Variants in IGDCC4 observed in about 807,000 individuals in gnomAD.
IGDCC4 encodes likely ortholog of mouse neighbor of Punc E11.
A neutral mutation model predicts 116.6 loss-of-function variants in IGDCC4; 72 were observed. That is an observed-to-expected ratio of 0.62 (90% CI 0.51 to 0.75). IGDCC4 has a LOEUF of 0.75. Among genes scored for constraint, IGDCC4 ranks in the 30% least tolerant of loss-of-function variants. The pLI is 0.00. For synonymous variants in IGDCC4, 709 were observed against 719.9 expected, an observed-to-expected ratio of 0.98 and a Z score of 0.24; for missense variants, 1,501 against 1,662.4, an observed-to-expected ratio of 0.90 and a Z score of 1.69.
chr15:65,384,799 C>T lies in IGDCC4; in HGVS notation c.3342+155G>A. 1 of 990,666 alleles carries T rather than the reference C, an allele frequency of 1.0e-6. No homozygotes were observed. Among genetic ancestry groups the T allele is most frequent in the South Asian group, 1.8e-5 (1 of 55,784 alleles). 61.4% of individuals were successfully genotyped at this position (990,666 alleles called of 1,614,324 possible). On this transcript the variant is annotated intron_variant, in intron 19 of 19. Transcript: ENST00000352385. This position sits in a 1 kb window ranked among gnomAD's most constrained non-coding sequence, Gnocchi z 4.9. The stretch of plus-strand genomic sequence containing the variant: ...TTCCTGCAAACTGGCCTGCCCTCCA[C>T]CTACTCAACCTTTGGAGGCTCCAGG...
Position 65,386,564 on chromosome 15 carries a change from G to A in IGDCC4, c.2938C>T (p.Arg980Cys), listed in dbSNP as rs553584611. ...LLACMCAGLR[R>C]SPHRESLPGL... ...TCCCCTGCTCACCTGTGGGGGCTGCGGCGCAGGCCAGCACACATGCAGGCC... is the reference window on the plus strand; with the variant it reads ...TCCCCTGCTCACCTGTGGGGGCTGCAGCGCAGGCCAGCACACATGCAGGCC... Residue 980 changes from arginine to cysteine, a missense_variant, in exon 17 of 20, where the codon CGC becomes TGC. Arg to Cys is a radical substitution (Grantham distance 180). Transcript: ENST00000352385. 508 of 1,604,334 alleles carry A rather than the reference G, an allele frequency of 3.2e-4. 4 individuals are homozygous for A. In the South Asian group the frequency reaches 4.6e-3, roughly 15 times the overall value.
At chr15:65,414,292 G>T (rs2063123878) in intron 1 of IGDCC4, among the ~76,000 whole-genome samples, 1 of 152,234 alleles carries the variant, frequency 6.6e-6, no homozygotes, top group African/African-American at 2.4e-5. Context: ...GATGGTTTCT[G>T]CTGGACACCT....
intron 5 of IGDCC4, 140 bp from the exon 6 acceptor site, chr15:65,397,129 T>C (rs2140209908): frequency 9.3e-7 from 1 of 1,079,266 alleles, no homozygotes; most frequent in Non-Finnish European, 1.3e-6. Context: ...CTCCTCTTGC[T>C]GGGACTCTCT....
In IGDCC4 at chr15:65,397,123, T is replaced by C. The variant is rs1414364876; in HGVS notation, c.842-134A>G. 4 of 1,141,592 alleles carry C rather than the reference T, an allele frequency of 3.5e-6. No individual in the cohort carries two copies. In the East Asian group the frequency reaches 7.8e-5, roughly 22 times the overall value. The allele number at this position is 1,141,592 out of a possible 1,614,324, so 70.7% of individuals were successfully genotyped here. A position where few individuals can be genotyped will look rare whatever the true frequency, so the allele number is the denominator to read the frequency against. On this transcript the variant is annotated intron_variant, in intron 5 of 19. Transcript: ENST00000352385. ...CCCTGGTCCGAATCTCATTTCCTCC[T>C]CTTGCTGGGACTCTCTGAGCCCGGC...
chr15:65,419,969 CAG>C (rs1198512802), intron 1 of IGDCC4, among the ~76,000 whole-genome samples: 1 of 152,108 alleles, frequency 6.6e-6, no homozygotes, highest in Non-Finnish European at 1.5e-5. Context: ...TTTTTTGAGA[CAG>C]AGTCTCACTT....
chr15:65,395,350 G>A (rs1037606323), intron 7 of IGDCC4, 92 bp from the exon 8 acceptor site: 23 of 1,311,004 alleles, frequency 1.8e-5, no homozygotes, highest in Non-Finnish European at 2.2e-5. Context: ...TATTGTCCTG[G>A]TGTCTATTTA....
At chr15:65,398,558 A>G (rs1392956142) in intron 5 of IGDCC4, among the ~76,000 whole-genome samples, 1 of 145,908 alleles carries the variant, frequency 6.9e-6, no homozygotes. Context: ...AAAAAAAAAG[A>G]AAGAAAAGAA....
Position 65,385,852 on chromosome 15 carries a change from G to A in IGDCC4, c.3159C>T (p.Gly1053=). 1 of 1,612,532 alleles carries A rather than the reference G, an allele frequency of 6.2e-7. No individual in the cohort carries two copies. The highest frequency in any genetic ancestry group is 1.3e-5 in the African/African-American group (1 of 74,998). ...HSLMGGGVSE[G]RSHSKRKISW... The stretch of plus-strand genomic sequence containing the variant: ...TTACCTTTCTTTTGGAGTGACTCCG[G>A]CCTTCAGAAACACCGCCACCCATAA... The change falls in exon 18 of 20, where the codon GGC becomes GGT. Residue 1053 remains glycine (G), a synonymous_variant. Coordinates refer to ENST00000352385, the MANE Select transcript of IGDCC4 (RefSeq NM_020962.3).
chr15:65,395,348 T>TAGTTTTCTAC (rs1214771396), intron 7 of IGDCC4, 90 bp from the exon 8 acceptor site: 6 of 1,317,312 alleles, frequency 4.6e-6, no homozygotes, highest in Admixed American at 2.1e-5. Context: ...CATATTGTCC[T>TAGTTTTCTAC]GGTGTCTATT....
intron 1 of IGDCC4, among the ~76,000 whole-genome samples, chr15:65,418,852 CCA>C (rs2063166382): frequency 6.6e-6 from 1 of 151,938 alleles, no homozygotes; most frequent in South Asian, 2.1e-4. Flanking sequence ...AGGGTGGATT[CCA>C]GAGCCCAGAT....
chr15:65,400,523 C>A (rs1224148924), intron 5 of IGDCC4, among the ~76,000 whole-genome samples: 3 of 152,210 alleles, frequency 2.0e-5, no homozygotes, highest in African/African-American at 4.8e-5. Flanking sequence ...GAGAACCTAG[C>A]TCAGCACCTG....
At position 65,391,988 on chromosome 15, in the gene IGDCC4, A is replaced by G. The variant is rs2062870808; in HGVS notation, c.2123-7T>C. 1 of 1,605,924 alleles carries G rather than the reference A, an allele frequency of 6.2e-7. No individual in the cohort carries two copies. Among genetic ancestry groups the G allele is most frequent in the Non-Finnish European group, 8.5e-7 (1 of 1,175,994 alleles). Reference sequence around the variant, plus strand: ...TCGTACAGCCGGCCAGGGACTGGGGAAGGTTACAGGGCTTAATGGCTAGGG... The same window carrying G: ...TCGTACAGCCGGCCAGGGACTGGGGGAGGTTACAGGGCTTAATGGCTAGGG... On this transcript the variant is annotated splice_polypyrimidine_tract_variant and splice_region_variant and intron_variant, in intron 11 of 19. Transcript: ENST00000352385.
chr15:65,413,041 T>TGC (rs2063112851), intron 1 of IGDCC4, among the ~76,000 whole-genome samples: 1 of 151,736 alleles, frequency 6.6e-6, no homozygotes, highest in African/African-American at 2.4e-5. Context: ...TGTGTGTGTG[T>TGC]GTGTGTGTGT....
chr15:65,401,832 A>G (rs1244180266), intron 4 of IGDCC4, among the ~76,000 whole-genome samples: 1 of 152,194 alleles, frequency 6.6e-6, no homozygotes, highest in African/African-American at 2.4e-5. Context: ...TTCCAACCCC[A>G]AAGACTGTGC....
At chr15:65,415,032 C>A (rs563030969) in intron 1 of IGDCC4, among the ~76,000 whole-genome samples, 1 of 152,312 alleles carries the variant, frequency 6.6e-6, no homozygotes, top group Admixed American at 6.5e-5. Flanking sequence ...CTATAAAGGG[C>A]TGTACAAGTG....
intron 5 of IGDCC4, among the ~76,000 whole-genome samples, chr15:65,399,447 C>CAAAAAAAAAAAA (rs112040935): frequency 1.4e-5 from 1 of 71,182 alleles, no homozygotes; most frequent in Non-Finnish European, 3.3e-5. Flanking sequence ...GGGTGACAGG[C>CAAAAAAAAAAAA]AAAAAAAAAA....
chr15:65,386,087 T>A, intron 17 of IGDCC4, 28 bp from the exon 18 acceptor site: 1 of 1,402,726 alleles, frequency 7.1e-7, no homozygotes, highest in Non-Finnish European at 9.5e-7. Context: ...AAACAAGGCA[T>A]AGCGGTCAGA....
chr15:65,422,171 G>C (rs998282622), intron 1 of IGDCC4, among the ~76,000 whole-genome samples: 9 of 151,828 alleles, frequency 5.9e-5, no homozygotes, highest in Admixed American at 2.0e-4. Context: ...CTCTCTAACC[G>C]GCCCCAGGGA....
chr15:65,396,212 C>T, intron 6 of IGDCC4, 49 bp from the exon 7 acceptor site: 1 of 1,405,130 alleles, frequency 7.1e-7, no homozygotes, highest in Non-Finnish European at 9.2e-7. Flanking sequence ...CAACTAAGGT[C>T]TCTGCCCCCC....
Sources: gnomAD v4.1 joint callset for allele counts (sites outside exome capture counted in the v4.1 genomes callset) on GRCh38, gnomAD v4.1.1 for gene constraint, Gnocchi (gnomAD v3.1) non-coding constraint, MANE v1.5 for transcripts, NCBI Gene and HGNC (gene_info 2026-07-23, HGNC 2026-07-21) for gene names.